The following KIF16B variants were observed in gnomAD, a reference collection of about 807,000 sequenced individuals.
KIF16B encodes kinesin-like protein KIF16B.
KIF16B carries 98 observed loss-of-function variants against 156.3 expected under a neutral mutation model. The observed-to-expected ratio is 0.63, with a 90% CI of 0.53 to 0.74. KIF16B has a LOEUF of 0.74. Ranked by LOEUF, KIF16B falls within the 30% of genes least tolerant of loss-of-function variation. The pLI is 0.00. For missense variants in KIF16B, 1,421 were observed against 1,606.5 expected, an observed-to-expected ratio of 0.88 and a Z score of 1.97; for synonymous variants, 564 against 583.7, an observed-to-expected ratio of 0.97 and a Z score of 0.49.
At position 16,396,397 on chromosome 20, in the gene KIF16B, C is replaced by T. The variant is rs2065501802; in HGVS notation, c.1784+8416G>A. The stretch of plus-strand genomic sequence containing the variant: ...ATGGAATAGTCATACAATGGAATAT[C>T]ATATGGACATTAAAATAATGTAAAA... On this transcript the variant is annotated intron_variant, in intron 17 of 25. Transcript: ENST00000354981. 2.0e-5 allele frequency among the ~76,000 whole-genome samples: 3 copies of T among 151,782 alleles called. No individual in the cohort carries two copies. The South Asian group carries it at 6.2e-4, about 32-fold the overall frequency.
chr20:16,455,539 A>C (rs966128708), intron 12 of KIF16B, among the ~76,000 whole-genome samples: 1 of 152,322 alleles, frequency 6.6e-6, no homozygotes, highest in African/African-American at 2.4e-5. Context: ...CTATGAAATC[A>C]TTGACTCAGG....
intron 15 of KIF16B, among the ~76,000 whole-genome samples, chr20:16,416,913 G>A (rs1468265809): frequency 6.6e-6 from 1 of 152,068 alleles, no homozygotes; most frequent in Non-Finnish European, 1.5e-5. Context: ...GTTGGAGGAG[G>A]AGCAGAGAGT....
rs151309184 is a variant in KIF16B, at chr20:16,492,725, G to A, written c.1302+1566C>T. On this transcript the variant is annotated intron_variant, in intron 12 of 25. Transcript: ENST00000354981. Reference sequence around the variant, plus strand: ...ACGCTGCCGCAGCAGCAGAAGAGACGGAGCTTCCATCTTTTCACCTCTTGC... The same window carrying A: ...ACGCTGCCGCAGCAGCAGAAGAGACAGAGCTTCCATCTTTTCACCTCTTGC... Among the ~76,000 whole-genome samples the A allele has an allele frequency of 5.5e-3, 842 of 152,114 alleles. 5 individuals are homozygous for A. Among genetic ancestry groups the A allele is most frequent in the Non-Finnish European group, 8.3e-3 (565 of 67,988 alleles).
At chr20:16,499,509 T>A (rs767190399) in intron 10 of KIF16B, among the ~76,000 whole-genome samples, 2 of 152,214 alleles carry the variant, frequency 1.3e-5, no homozygotes, top group Non-Finnish European at 2.9e-5. Flanking sequence ...CAATGCATCA[T>A]TGCATCTAAC....
intron 5 of KIF16B, among the ~76,000 whole-genome samples, chr20:16,512,162 A>C (rs1408049729): frequency 6.6e-6 from 1 of 152,058 alleles, no homozygotes; most frequent in African/African-American, 2.4e-5. Flanking sequence ...AAAAAAAGGA[A>C]GGTACATTAA....
At chr20:16,476,786 G>A (rs746941676) in intron 12 of KIF16B, among the ~76,000 whole-genome samples, 1 of 152,142 alleles carries the variant, frequency 6.6e-6, no homozygotes. Flanking sequence ...TTGAGACAGA[G>A]TCTCGCTCTG....
rs2063657197 is a variant in KIF16B, at chr20:16,313,818, T to G, written c.3712-1400A>C. ...ATTCCACCATGTGAACATTCCATAA[T>G]GTATTTGTTCATTATCTTGCTGTTG... On this transcript the variant is annotated intron_variant, in intron 24 of 25. Transcript: ENST00000354981. 2.0e-5 allele frequency among the ~76,000 whole-genome samples: 3 copies of G among 152,348 alleles called. No homozygotes were observed. The South Asian group carries it at 6.2e-4, about 32-fold the overall frequency.
At chr20:16,412,296 A>T (rs1471230009) in intron 15 of KIF16B, among the ~76,000 whole-genome samples, 2 of 151,982 alleles carry the variant, frequency 1.3e-5, no homozygotes, top group African/African-American at 4.8e-5. Flanking sequence ...TTGGTAGTAG[A>T]CCGAGGCCAG....
chr20:16,537,720 T>A (rs1352022425), intron 1 of KIF16B, among the ~76,000 whole-genome samples: 1 of 149,254 alleles, frequency 6.7e-6, no homozygotes, highest in Non-Finnish European at 1.5e-5. Flanking sequence ...TTTTTTTTTT[T>A]TTGAGACAGG....
intron 18 of KIF16B, among the ~76,000 whole-genome samples, chr20:16,380,951 T>C (rs1354256424): frequency 6.6e-6 from 1 of 152,180 alleles, no homozygotes; most frequent in African/African-American, 2.4e-5. Context: ...TCTTGGATGA[T>C]GCTGGAAACT....
chr20:16,534,209 C>T (rs776766091), intron 1 of KIF16B, among the ~76,000 whole-genome samples: 15 of 151,920 alleles, frequency 9.9e-5, no homozygotes, highest in African/African-American at 2.7e-4. Context: ...GAGCTGAGAT[C>T]GCGCCACTTC....
chr20:16,551,132 C>CTTCTTTTTTTTTTTT (rs55770608), intron 1 of KIF16B, among the ~76,000 whole-genome samples: 1 of 139,136 alleles, frequency 7.2e-6, no homozygotes, highest in Admixed American at 7.2e-5. Flanking sequence ...GCTTTCTCTT[C>CTTCTTTTTTTTTTTT]TTTTTTTTTT....
chr20:16,379,640 C>T lies in KIF16B; in HGVS notation c.2362G>A (p.Glu788Lys). 1 of 1,614,150 alleles carries T rather than the reference C, an allele frequency of 6.2e-7. No individual in the cohort carries two copies. The change falls in exon 19 of 26, where the codon GAA becomes AAA. Residue 788 changes from glutamate to lysine, a missense_variant. Glu to Lys is a moderately conservative substitution (Grantham distance 56). Coordinates refer to ENST00000354981, the MANE Select transcript of KIF16B (RefSeq NM_024704.5). ...CCTTCCAGGTCCCTCTTCTCCTCTT[C>T]CACCCACTGTACCTCCCCACGCCGC... ...LLRRGEVQWV[E>K]EEKRDLEGIR...
chr20:16,507,811 T>C, intron 7 of KIF16B, 147 bp downstream of exon 7: 1 of 769,890 alleles, frequency 1.3e-6, no homozygotes, highest in South Asian at 1.8e-5. Flanking sequence ...GCACAGCACA[T>C]GTTCAACTCT....
At chr20:16,501,160 C>T (rs2068609749) in intron 10 of KIF16B, among the ~76,000 whole-genome samples, 1 of 151,734 alleles carries the variant, frequency 6.6e-6, no homozygotes, top group Non-Finnish European at 1.5e-5. Flanking sequence ...AGGATGGTTA[C>T]AATGAAAACT....
At chr20:16,463,203 C>T (rs892690901) in intron 12 of KIF16B, among the ~76,000 whole-genome samples, 1 of 152,140 alleles carries the variant, frequency 6.6e-6, no homozygotes, top group African/African-American at 2.4e-5. Context: ...CTTTCTTTTG[C>T]CTATTTAACC....
intron 25 of KIF16B, among the ~76,000 whole-genome samples, chr20:16,276,532 A>G (rs2063063608): frequency 6.6e-6 from 1 of 152,230 alleles, no homozygotes; most frequent in Admixed American, 6.5e-5. Flanking sequence ...CCTCCTTTAC[A>G]TAGCCTGCTT....
intron 25 of KIF16B, among the ~76,000 whole-genome samples, chr20:16,308,001 G>T (rs2063566129): frequency 6.6e-6 from 1 of 151,942 alleles, no homozygotes; most frequent in African/African-American, 2.4e-5. Context: ...TGTCTTTAAA[G>T]ATATTCTAAG....
rs1015843836 is a variant in KIF16B at position 16,412,220 on chromosome 20, A to G, written c.1613-5764T>C. The stretch of plus-strand genomic sequence containing the variant: ...GCTTCTCAGAGGTCAACTGAGACAA[A>G]AAGACTAGAAAACACCATTGGGTGT... On this transcript the variant is annotated intron_variant, in intron 15 of 25. Transcript: ENST00000354981. Among the ~76,000 whole-genome samples, 4 of 152,136 alleles carry G rather than the reference A, an allele frequency of 2.6e-5. No homozygotes were observed. In the East Asian group the frequency reaches 7.8e-4, roughly 30 times the overall value.
Sources: allele counts gnomAD v4.1 joint callset (sites outside exome capture counted in the v4.1 genomes callset), GRCh38; gene constraint gnomAD v4.1.1; transcripts MANE v1.5; gene names NCBI Gene and HGNC (gene_info 2026-07-23, HGNC 2026-07-21).